ARHGAP32: variants seen among roughly 807,000 people sequenced by gnomAD.
ARHGAP32 encodes the protein rho GTPase-activating protein 32.
ARHGAP32 carries 51 observed loss-of-function variants against 186.5 expected under a neutral mutation model. That is an observed-to-expected ratio of 0.27 (90% confidence interval 0.22 to 0.35). The LOEUF is 0.35. ARHGAP32 is among the 10% of genes least tolerant of loss of function. The pLI is 1.00. For missense variants in ARHGAP32, 2,186 were observed against 2,623.5 expected (o/e 0.83, Z 3.64); for synonymous variants, 950 against 964.3 (o/e 0.99, Z 0.27).
At chr11:129,182,322 C>T (rs993907511) in intron 1 of ARHGAP32, among the ~76,000 whole-genome samples, 2 of 151,854 alleles carry the variant, frequency 1.3e-5, no homozygotes, top group Non-Finnish European at 2.9e-5. Flanking sequence ...TATATTAGCC[C>T]ATTTTTCTAT....
intron 11 of ARHGAP32, among the ~76,000 whole-genome samples, chr11:129,039,273 G>A (rs1339466149): frequency 4.0e-5 from 6 of 151,642 alleles, no homozygotes; most frequent in African/African-American, 1.5e-4. Flanking sequence ...ATATCCACAT[G>A]TAATATTGTA....
chr11:129,243,151 T>A (rs1945043028), intron 1 of ARHGAP32, among the ~76,000 whole-genome samples: 1 of 152,218 alleles, frequency 6.6e-6, no homozygotes, highest in African/African-American at 2.4e-5. Flanking sequence ...TCTGTCCACA[T>A]ATACTAGCTC....
intron 1 of ARHGAP32, chr11:129,202,892 G>A (rs1944471452): frequency 6.6e-6 from 1 of 151,798 alleles, no homozygotes; most frequent in South Asian, 2.1e-4. Flanking sequence ...TGCAAGGGGG[G>A]GAAAATAAAA....
At chr11:129,208,179 A>G (rs79675360) in intron 1 of ARHGAP32, among the ~76,000 whole-genome samples, 6,092 of 152,308 alleles carry the variant, frequency 0.04, 180 homozygotes, top group Middle Eastern at 0.078. Context: ...TGGTCAGGAA[A>G]GAGGAAACAA....
chr11:129,224,440 T>A (rs1944753738), intron 1 of ARHGAP32, among the ~76,000 whole-genome samples: 1 of 152,102 alleles, frequency 6.6e-6, no homozygotes, highest in African/African-American at 2.4e-5. Context: ...CTTAACTTTT[T>A]CAAAATTCTG....
Position 129,073,628 on chromosome 11 carries a change from C to T in ARHGAP32, c.532-6760G>A, listed in dbSNP as rs550103394. On this transcript the variant is annotated intron_variant, in intron 6 of 22. Coordinates refer to ENST00000682385, the MANE Select transcript of ARHGAP32 (RefSeq NM_001378024.1). Reference sequence around the variant, plus strand: ...TATGATACATACATACTGAAAATACCAGAAGGAGAAGAAATGGAGAAAGGA... The same window carrying T: ...TATGATACATACATACTGAAAATACTAGAAGGAGAAGAAATGGAGAAAGGA... Among the ~76,000 whole-genome samples, 89 of 151,180 alleles carry T rather than the reference C, an allele frequency of 5.9e-4. 1 individual carries two copies. Among genetic ancestry groups the T allele is most frequent in the South Asian group, 1.3e-3 (6 of 4,758 alleles).
chr11:128,996,045 G>A (rs1400951700), intron 12 of ARHGAP32, among the ~76,000 whole-genome samples: 1 of 152,144 alleles, frequency 6.6e-6, no homozygotes, highest in African/African-American at 2.4e-5. Flanking sequence ...AGAACCTTCT[G>A]AAACCAACGA....
chr11:129,236,282 T>A (rs1944933268), intron 1 of ARHGAP32, among the ~76,000 whole-genome samples: 1 of 152,158 alleles, frequency 6.6e-6, no homozygotes, highest in Admixed American at 6.5e-5. Flanking sequence ...TGAGGTAGTA[T>A]TGCACAGTGG....
chr11:129,104,275 C>T (rs1203329371), intron 5 of ARHGAP32, among the ~76,000 whole-genome samples: 1 of 151,594 alleles, frequency 6.6e-6, no homozygotes, highest in African/African-American at 2.4e-5. Flanking sequence ...GTTTATAAAT[C>T]GAAACAAATT....
In ARHGAP32 at chr11:129,112,628, C is replaced by T. The variant is rs1039051704; in HGVS notation, c.444+10818G>A. On this transcript the variant is annotated intron_variant, in intron 5 of 22. Coordinates refer to ENST00000682385, the MANE Select transcript of ARHGAP32 (RefSeq NM_001378024.1). Reference sequence around the variant, plus strand: ...AGTTATCTGGGAACTCATCTGCTGCCTCTTGGGTGACAGAAGCAGGTTCTC... The same window carrying T: ...AGTTATCTGGGAACTCATCTGCTGCTTCTTGGGTGACAGAAGCAGGTTCTC... Among the ~76,000 whole-genome samples, 8 of 152,236 alleles carry T rather than the reference C, an allele frequency of 5.3e-5. No homozygotes were observed. The South Asian group carries it at 1.0e-3, about 20-fold the overall frequency.
At chr11:129,012,899 T>C (rs926486040) in intron 11 of ARHGAP32, among the ~76,000 whole-genome samples, 3 of 152,182 alleles carry the variant, frequency 2.0e-5, no homozygotes, top group Non-Finnish European at 4.4e-5. Flanking sequence ...ATCTTCACAA[T>C]TCAGTGGTAA....
At chr11:129,028,862 A>G (rs2134948875) in intron 11 of ARHGAP32, among the ~76,000 whole-genome samples, 1 of 152,298 alleles carries the variant, frequency 6.6e-6, no homozygotes, top group African/African-American at 2.4e-5. Context: ...AAGGCATTTC[A>G]GGGTGTAGGA....
At chr11:129,053,450 G>C (rs1940133665) in intron 10 of ARHGAP32, among the ~76,000 whole-genome samples, 1 of 152,082 alleles carries the variant, frequency 6.6e-6, no homozygotes, top group African/African-American at 2.4e-5. Flanking sequence ...TTTAGAACCA[G>C]ATGGTCCACT....
intron 2 of ARHGAP32, among the ~76,000 whole-genome samples, chr11:129,147,471 G>C (rs942214505): frequency 6.6e-6 from 1 of 152,116 alleles, no homozygotes; most frequent in Non-Finnish European, 1.5e-5. Flanking sequence ...GTTACTGAAT[G>C]TTCTTTCCCT....
Position 129,058,684 on chromosome 11 carries a change from C to T in ARHGAP32, c.963+3596G>A, listed in dbSNP as rs192206673. Among the ~76,000 whole-genome samples the T allele has an allele frequency of 1.5e-3, 232 of 152,302 alleles. 2 individuals are homozygous for T. The highest frequency in any genetic ancestry group is 5.4e-3 in the Admixed American group (82 of 15,294). On this transcript the variant is annotated intron_variant, in intron 10 of 22. Coordinates refer to ENST00000682385, the MANE Select transcript of ARHGAP32 (RefSeq NM_001378024.1). ...ACCAATCAGGGCAGCTCCATGGTTA[C>T]TTTTTCTTGCACTGAGGTTCTGCGC...
chr11:129,190,842 C>A (rs1944255638), intron 1 of ARHGAP32, among the ~76,000 whole-genome samples: 1 of 151,998 alleles, frequency 6.6e-6, no homozygotes. Context: ...AATTAGCATA[C>A]CTTGGAAGGG....
At chr11:129,098,365 T>C (rs1941791805) in intron 5 of ARHGAP32, among the ~76,000 whole-genome samples, 1 of 152,212 alleles carries the variant, frequency 6.6e-6, no homozygotes, top group Admixed American at 6.5e-5. Context: ...AAGAGACTAA[T>C]ACTTAAAAGA....
At chr11:129,120,145 G>A (rs1289841917) in intron 5 of ARHGAP32, among the ~76,000 whole-genome samples, 1 of 152,054 alleles carries the variant, frequency 6.6e-6, no homozygotes, top group Non-Finnish European at 1.5e-5. Flanking sequence ...AGAGAAGCAG[G>A]TGGGCATGGT....
At chr11:129,069,041 T>C (rs1940788581) in intron 6 of ARHGAP32, among the ~76,000 whole-genome samples, 3 of 152,096 alleles carry the variant, frequency 2.0e-5, no homozygotes, top group South Asian at 2.1e-4. Context: ...CCATCACCCA[T>C]AGTATTTCAA....
Sources: gnomAD v4.1 joint callset for allele counts (sites outside exome capture counted in the v4.1 genomes callset) on GRCh38, gnomAD v4.1.1 for gene constraint, MANE v1.5 for transcripts, NCBI Gene and HGNC (gene_info 2026-07-23, HGNC 2026-07-21) for gene names.